The following SMYD3 variants were observed in gnomAD, a reference collection of about 807,000 sequenced individuals.
The protein encoded by SMYD3 is SET and MYND domain containing 3, also known as histone-lysine N-methyltransferase SMYD3.
SMYD3 carries 36 observed loss-of-function variants against 57.7 expected under a neutral mutation model. The ratio of observed to expected loss-of-function variants is 0.62; its 90% CI spans 0.48 to 0.82. SMYD3 has a LOEUF of 0.82. Ranked by LOEUF, SMYD3 falls within the 40% of genes least tolerant of loss-of-function variation. SMYD3 has a pLI of 0.00. For synonymous variants in SMYD3, 211 were observed against 195.0 expected (o/e 1.08, Z -0.68); for missense variants, 515 against 538.8 (o/e 0.96, Z 0.44).
chr1:246,215,023 T>C (rs2063143538), intron 5 of SMYD3, among the ~76,000 whole-genome samples: 1 of 152,170 alleles, frequency 6.6e-6, no homozygotes, highest in Admixed American at 6.5e-5. Flanking sequence ...TGCTGAGCTT[T>C]CTATTTTTGT....
intron 1 of SMYD3, among the ~76,000 whole-genome samples, chr1:246,458,031 C>T (rs180732416): frequency 6.6e-6 from 1 of 152,264 alleles, no homozygotes. Context: ...CTGTTCATTT[C>T]CTGAAGATAA....
rs118064178 is a variant in SMYD3 at position 245,878,796 on chromosome 1, A to G, written c.814-14910T>C. Among the ~76,000 whole-genome samples the G allele has an allele frequency of 9.3e-4, 141 of 152,290 alleles. 2 individuals carry two copies. In the East Asian group the frequency reaches 0.021, roughly 22 times the overall value. On this transcript the variant is annotated intron_variant, in intron 8 of 11. Transcript: ENST00000490107. ...CCTGAACTGCAGGAATATACTGTTG[A>G]TGTCATCAGCAGTTGGAGGGTTGGA...
intron 1 of SMYD3, among the ~76,000 whole-genome samples, chr1:246,414,255 C>T (rs1392126570): frequency 6.6e-6 from 1 of 152,104 alleles, no homozygotes; most frequent in Non-Finnish European, 1.5e-5. Context: ...ATAAAGCCAG[C>T]AGTGAGAGAT....
intron 5 of SMYD3, among the ~76,000 whole-genome samples, chr1:246,072,281 TGGA>T (rs2060468043): frequency 7.0e-6 from 1 of 143,726 alleles, no homozygotes; most frequent in African/African-American, 2.5e-5. Flanking sequence ...GTGCTCACTG[TGGA>T]TGCATCGTGT....
intron 5 of SMYD3, among the ~76,000 whole-genome samples, chr1:245,985,910 A>G (rs528949495): frequency 6.6e-6 from 1 of 152,210 alleles, no homozygotes; most frequent in South Asian, 2.1e-4. Flanking sequence ...TACAGCAATT[A>G]CCTGTTTCCA....
intron 1 of SMYD3, among the ~76,000 whole-genome samples, chr1:246,423,108 C>G (rs2067166849): frequency 6.6e-6 from 1 of 151,976 alleles, no homozygotes; most frequent in Non-Finnish European, 1.5e-5. Flanking sequence ...ACCAGTCTGA[C>G]CAACATGGTG....
Position 245,996,129 on chromosome 1 carries a change from A to G in SMYD3, c.532-66192T>C, listed in dbSNP as rs534108923. 2.2e-4 allele frequency among the ~76,000 whole-genome samples: 34 copies of G among 152,342 alleles called. 1 individual carries two copies. In the South Asian group the frequency reaches 7.0e-3, roughly 32 times the overall value. ...AGAAATGTTTCTTGTTTAATTTCATAAATACATATAGAGAAGCCATCTTCT... is the reference window on the plus strand; with the variant it reads ...AGAAATGTTTCTTGTTTAATTTCATGAATACATATAGAGAAGCCATCTTCT... On this transcript the variant is annotated intron_variant, in intron 5 of 11. Transcript: ENST00000490107.
intron 5 of SMYD3, among the ~76,000 whole-genome samples, chr1:246,135,052 A>G (rs1403513448): frequency 6.6e-6 from 1 of 152,076 alleles, no homozygotes; most frequent in Non-Finnish European, 1.5e-5. Context: ...ACTTAGAATT[A>G]CATCAATATT....
At chr1:246,180,559 C>G (rs550100556) in intron 5 of SMYD3, among the ~76,000 whole-genome samples, 6 of 149,882 alleles carry the variant, frequency 4.0e-5, no homozygotes, top group Non-Finnish European at 7.4e-5. Flanking sequence ...AGATCAAGAC[C>G]ATCCTGGTTA....
intron 5 of SMYD3, chr1:246,034,658 AGT>A (rs1171916538): frequency 6.4e-6 from 1 of 156,820 alleles, no homozygotes; most frequent in African/African-American, 2.4e-5. Flanking sequence ...GGGGCAAATG[AGT>A]GCAGAAGAGG....
intron 10 of SMYD3, among the ~76,000 whole-genome samples, chr1:245,790,016 G>C (rs1221606283): frequency 6.6e-6 from 1 of 152,148 alleles, no homozygotes; most frequent in Non-Finnish European, 1.5e-5. Context: ...GGGAAATAAG[G>C]GAGACCACGG....
At chr1:245,999,259 G>A (rs2058990939) in intron 5 of SMYD3, among the ~76,000 whole-genome samples, 1 of 151,984 alleles carries the variant, frequency 6.6e-6, no homozygotes, top group African/African-American at 2.4e-5. Flanking sequence ...GAAATAAAAG[G>A]GGAAGATTGC....
At chr1:246,374,377 G>A (rs746973466) in intron 1 of SMYD3, among the ~76,000 whole-genome samples, 4 of 152,178 alleles carry the variant, frequency 2.6e-5, no homozygotes, top group Non-Finnish European at 5.9e-5. Context: ...CCAAAAATGT[G>A]TGTCGCCCAA....
At chr1:245,832,173 C>T (rs900095689) in intron 10 of SMYD3, among the ~76,000 whole-genome samples, 1 of 152,214 alleles carries the variant, frequency 6.6e-6, no homozygotes, top group Admixed American at 6.5e-5. Flanking sequence ...GAGGCTGGGT[C>T]TCACCCTTCG....
At chr1:246,249,341 T>A (rs571010657) in intron 5 of SMYD3, among the ~76,000 whole-genome samples, 20 of 151,598 alleles carry the variant, frequency 1.3e-4, no homozygotes, top group Middle Eastern at 3.2e-3. Context: ...TGACCTTAAG[T>A]GATCCGCCCA....
At chr1:246,129,184 T>C (rs1215954679) in intron 5 of SMYD3, among the ~76,000 whole-genome samples, 2 of 152,068 alleles carry the variant, frequency 1.3e-5, no homozygotes, top group African/African-American at 4.8e-5. Flanking sequence ...GGAATCTTTG[T>C]GTCTTCAAAA....
At chr1:246,101,480 A>C (rs1280724292) in intron 5 of SMYD3, among the ~76,000 whole-genome samples, 2 of 152,136 alleles carry the variant, frequency 1.3e-5, no homozygotes, top group Non-Finnish European at 2.9e-5. Context: ...GAATTTCCCT[A>C]ATTAAATGCT....
At chr1:245,753,559 A>C (rs1284774551) in intron 11 of SMYD3, among the ~76,000 whole-genome samples, 2 of 131,748 alleles carry the variant, frequency 1.5e-5, no homozygotes, top group Non-Finnish European at 3.5e-5. Flanking sequence ...GCTGGGGCAG[A>C]CAGTCCTCAA....
chr1:245,973,207 A>G (rs2058343672), intron 5 of SMYD3, among the ~76,000 whole-genome samples: 1 of 152,228 alleles, frequency 6.6e-6, no homozygotes, highest in Admixed American at 6.5e-5. Context: ...CTTAAAGCAC[A>G]TGCCCTATTG....
Sources: allele counts gnomAD v4.1 joint callset (sites outside exome capture counted in the v4.1 genomes callset), GRCh38; gene constraint gnomAD v4.1.1; transcripts MANE v1.5; gene names NCBI Gene and HGNC (gene_info 2026-07-23, HGNC 2026-07-21).